APPL2: variants seen among roughly 807,000 people sequenced by gnomAD.
APPL2 encodes the protein adaptor protein, phosphotyrosine interacting with PH domain and leucine zipper 2.
Under a neutral mutation model 92.7 loss-of-function variants are expected in APPL2, and 84 were observed. The observed-to-expected ratio is 0.91, with a 90% CI of 0.76 to 1.09. The LOEUF (loss-of-function observed/expected upper bound fraction) is 1.09, where lower values mean the gene tolerates loss of function less well. APPL2 is among the 50% of genes least tolerant of loss of function. The pLI, the probability that APPL2 is intolerant of heterozygous loss-of-function variation, is 0.00. For synonymous variants in APPL2, 291 were observed against 291.0 expected (o/e 1.00, Z 0.00); for missense variants, 736 against 824.5 (o/e 0.89, Z 1.31).
chr12:105,212,900 A>G (rs775630313), intron 4 of APPL2, among the ~76,000 whole-genome samples: 24 of 152,220 alleles, frequency 1.6e-4, no homozygotes, highest in Non-Finnish European at 2.5e-4. Flanking sequence ...AACTGCTAAC[A>G]CTTTCCCTAT....
chr12:105,206,977 G>A lies in APPL2; in HGVS notation c.621+84C>T, dbSNP rs544984422. On this transcript the variant is annotated intron_variant, in intron 8 of 20. Coordinates refer to ENST00000258530, the MANE Select transcript of APPL2 (RefSeq NM_018171.5). Reference sequence around the variant, plus strand: ...GTGCATTTATGTTTCTTTCTACGACGATGCTTCAGTGTCTCCTGCGTGCCC... The same window carrying A: ...GTGCATTTATGTTTCTTTCTACGACAATGCTTCAGTGTCTCCTGCGTGCCC... The A allele has an allele frequency of 3.7e-5, 55 of 1,497,534 alleles. No homozygotes were observed. In the East Asian group the frequency reaches 8.5e-4, roughly 23 times the overall value. The allele number at this position is 1,497,534 out of a possible 1,614,324, so 92.8% of individuals were successfully genotyped here. A position where few individuals can be genotyped will look rare whatever the true frequency, so the allele number is the denominator to read the frequency against.
intron 4 of APPL2, among the ~76,000 whole-genome samples, chr12:105,214,878 A>G (rs1418879465): frequency 7.9e-5 from 12 of 152,162 alleles, no homozygotes; most frequent in Non-Finnish European, 1.8e-4. Context: ...GATCACATCT[A>G]TGTGATGAAG....
intron 5 of APPL2, among the ~76,000 whole-genome samples, chr12:105,210,750 G>A (rs1889143589): frequency 1.3e-5 from 2 of 152,112 alleles, no homozygotes; most frequent in Non-Finnish European, 2.9e-5. Context: ...CATCCCCAGA[G>A]TCTAGCACAG....
At position 105,211,893 on chromosome 12, in the gene APPL2, G is replaced by C. The variant is rs1249733097; in HGVS notation, c.286-576C>G. The stretch of plus-strand genomic sequence containing the variant: ...CCCAGCACTTTGGGAGGCTGAGGCA[G>C]GCGGATCATGAGGTCAGGAGATCGA... On this transcript the variant is annotated intron_variant, in intron 4 of 20. Coordinates refer to ENST00000258530, the MANE Select transcript of APPL2 (RefSeq NM_018171.5). Among the ~76,000 whole-genome samples, 4 of 152,296 alleles carry C rather than the reference G, an allele frequency of 2.6e-5. No individual in the cohort carries two copies. The East Asian group carries it at 7.7e-4, about 29-fold the overall frequency.
intron 1 of APPL2, among the ~76,000 whole-genome samples, chr12:105,235,553 T>C (rs111889472): frequency 1.7e-3 from 254 of 152,328 alleles, no homozygotes; most frequent in African/African-American, 5.9e-3. Flanking sequence ...GTATTTCTCA[T>C]TGACTTCTCC....
At chr12:105,216,135 C>T (rs1420075664) in intron 4 of APPL2, among the ~76,000 whole-genome samples, 1 of 152,168 alleles carries the variant, frequency 6.6e-6, no homozygotes, top group East Asian at 1.9e-4. Flanking sequence ...AGAATTTATG[C>T]ACTTTTCCTA....
chr12:105,236,110 GCGGCCACTCCGTGCCCGCGGCGGCCCC>G lies in APPL2; in HGVS notation c.-125_-99del. 1.1e-6 allele frequency: 1 copy of G among 918,230 alleles called. No homozygotes were observed. Among genetic ancestry groups the G allele is most frequent in the Non-Finnish European group, 1.4e-6 (1 of 717,970 alleles). The allele number at this position is 918,230 out of a possible 1,614,324, so 56.9% of individuals were successfully genotyped here. Reference sequence around the variant, plus strand: ...CCCGGCTCTGGGCTCAGGCGACGCGGCGGCCACTCCGTGCCCGCGGCGGCCCCGCGCGCGTCCACGCCTGGCCAGTGG... The same window carrying G: ...CCCGGCTCTGGGCTCAGGCGACGCGGGCGCGCGTCCACGCCTGGCCAGTGG... On this transcript the variant is annotated 5_prime_UTR_variant, in exon 1 of 21. Transcript: ENST00000258530.
rs60785893 is a variant in APPL2 at position 105,195,417 on chromosome 12, G to A, written c.1152+28C>T. On this transcript the variant is annotated intron_variant, in intron 13 of 20. Transcript: ENST00000258530. ...CGCTTACCTTCCAGGTTGAGAAAAG[G>A]GCTGAGATGCCGGTGGCTGATAATT... is the stretch of plus-strand genomic sequence containing the variant. 3.4e-4 allele frequency: 549 copies of A among 1,614,140 alleles called. 1 individual carries two copies. The African/African-American group carries it at 5.9e-3, about 17-fold the overall frequency.
intron 9 of APPL2, among the ~76,000 whole-genome samples, chr12:105,200,125 C>T (rs1458497598): frequency 5.3e-5 from 8 of 152,048 alleles, no homozygotes; most frequent in African/African-American, 9.7e-5. Context: ...TGAGCCACCG[C>T]GCCCGGCTGA....
At chr12:105,203,829 TG>T (rs1298531765) in intron 8 of APPL2, 44 bp from the exon 9 acceptor site, 3 of 1,561,398 alleles carry the variant, frequency 1.9e-6, no homozygotes, top group Non-Finnish European at 1.8e-6. Context: ...TCCAGGGAAG[TG>T]ATCAGTGAAC....
intron 2 of APPL2, among the ~76,000 whole-genome samples, chr12:105,220,587 C>T (rs1005006551): frequency 6.6e-6 from 1 of 152,180 alleles, no homozygotes; most frequent in African/African-American, 2.4e-5. Flanking sequence ...TAATATGTTA[C>T]TTCCCCATAT....
intron 9 of APPL2, among the ~76,000 whole-genome samples, chr12:105,199,820 GTTTTTA>G (rs1887997431): frequency 6.6e-6 from 1 of 151,598 alleles, no homozygotes; most frequent in Non-Finnish European, 1.5e-5. Context: ...TTTTTTTGTT[GTTTTTA>G]TTTTTTTTTT....
chr12:105,226,116 A>G (rs1433883228), intron 2 of APPL2, among the ~76,000 whole-genome samples: 1 of 152,272 alleles, frequency 6.6e-6, no homozygotes, highest in Non-Finnish European at 1.5e-5. Flanking sequence ...CTTTAGGGGA[A>G]AAAACTTGAA....
intron 2 of APPL2, among the ~76,000 whole-genome samples, chr12:105,228,578 C>G (rs146020153): frequency 6.6e-6 from 1 of 152,230 alleles, no homozygotes; most frequent in Non-Finnish European, 1.5e-5. Flanking sequence ...AAGCAACATA[C>G]ATGGGCACTT....
chr12:105,202,473 T>A (rs901351708), intron 9 of APPL2, among the ~76,000 whole-genome samples: 1 of 152,192 alleles, frequency 6.6e-6, no homozygotes, highest in South Asian at 2.1e-4. Context: ...GTGAAAAAAA[T>A]TGAGGCATAG....
In APPL2 at chr12:105,195,323, G is replaced by C. The variant is rs181908396; in HGVS notation, c.1179C>G (p.Thr393=). The change falls in exon 14 of 21, where the codon ACC becomes ACG. Residue 393 remains threonine (T), a synonymous_variant. Transcript: ENST00000258530. ...PEAVAIKLNQ[T]ALQAVTPITS... Reference sequence around the variant, plus strand: ...TAATGGGAGTCACTGCTTGCAGAGCGGTCTGATTCAACTTGATCGCGACTG... The same window carrying C: ...TAATGGGAGTCACTGCTTGCAGAGCCGTCTGATTCAACTTGATCGCGACTG... 2 of 1,613,986 alleles carry C rather than the reference G, an allele frequency of 1.2e-6. No homozygotes were observed. Among genetic ancestry groups the C allele is most frequent in the Non-Finnish European group, 1.7e-6 (2 of 1,180,016 alleles).
At chr12:105,193,115 A>C (rs997609799) in intron 14 of APPL2, among the ~76,000 whole-genome samples, 10 of 151,774 alleles carry the variant, frequency 6.6e-5, no homozygotes, top group African/African-American at 2.4e-4. Flanking sequence ...GGCTAGAGTC[A>C]TTTTTTTTCC....
chr12:105,174,554 T>C (rs1885301110), intron 20 of APPL2, 106 bp from the exon 21 acceptor site: 3 of 1,252,640 alleles, frequency 2.4e-6, no homozygotes, highest in South Asian at 3.3e-5. Flanking sequence ...TTGTTTCTCC[T>C]GACTCTTGTG....
chr12:105,201,449 C>A (rs1259982872), intron 9 of APPL2, among the ~76,000 whole-genome samples: 1 of 152,098 alleles, frequency 6.6e-6, no homozygotes, highest in Non-Finnish European at 1.5e-5. Context: ...TCAGGGTCAG[C>A]TTTTATGGGT....
Sources: gnomAD v4.1 joint callset for allele counts (sites outside exome capture counted in the v4.1 genomes callset) on GRCh38, gnomAD v4.1.1 for gene constraint, MANE v1.5 for transcripts, NCBI Gene and HGNC (gene_info 2026-07-23, HGNC 2026-07-21) for gene names.